The following RGS12 variants were observed in gnomAD, a reference collection of about 807,000 sequenced individuals.
RGS12 encodes the protein regulator of G-protein signaling 12.
In RGS12, 66 loss-of-function variants were observed where a neutral mutation model predicts 120.1. The observed-to-expected ratio is 0.55, with a 90% CI of 0.45 to 0.67. The LOEUF (loss-of-function observed/expected upper bound fraction) is 0.67. Ranked by LOEUF, RGS12 falls within the 30% of genes least tolerant of loss-of-function variation. The pLI, the probability that RGS12 is intolerant of heterozygous loss-of-function variation, is 0.00. For missense variants in RGS12, 1,859 were observed against 1,957.7 expected (o/e 0.95, Z 0.95); for synonymous variants, 827 against 804.7 (o/e 1.03, Z -0.47).
In RGS12 at chr4:3,390,659, G is replaced by A. The variant is rs1577034841; in HGVS notation, c.2020+4222G>A. Among the ~76,000 whole-genome samples the A allele has an allele frequency of 6.6e-6, 1 of 152,210 alleles. No individual in the cohort carries two copies. The highest frequency in any genetic ancestry group is 1.5e-5 in the Non-Finnish European group (1 of 68,044). ...TTTGGAGCTCAGACCTGGCCATGGC[G>A]GAAGATTCGGGCTCCACCTGCAGCT... On this transcript the variant is annotated intron_variant, in intron 4 of 17. Transcript: ENST00000336727. This position sits in a 1 kb window ranked among gnomAD's most constrained non-coding sequence, Gnocchi z 4.6.
At chr4:3,403,340 G>A (rs192555757) in intron 4 of RGS12, among the ~76,000 whole-genome samples, 157 of 152,290 alleles carry the variant, frequency 1.0e-3, no homozygotes, top group African/African-American at 3.2e-3. Flanking sequence ...CGAGGGGTCC[G>A]TGAGACCTGC....
At chr4:3,422,702 C>T (rs1016358150) in intron 11 of RGS12, 132 bp downstream of exon 11, 27 of 1,138,486 alleles carry the variant, frequency 2.4e-5, no homozygotes, top group South Asian at 9.0e-5. Context: ...GGGCGGAGGC[C>T]GGATTATCTG....
intron 3 of RGS12, among the ~76,000 whole-genome samples, chr4:3,354,563 A>G (rs1400205057): frequency 6.6e-6 from 1 of 152,232 alleles, no homozygotes; most frequent in Non-Finnish European, 1.5e-5. Context: ...TCCTGCAGAA[A>G]CTGTTTCCTG....
At chr4:3,318,428 G>C (rs908601947) in intron 2 of RGS12, among the ~76,000 whole-genome samples, 3 of 152,182 alleles carry the variant, frequency 2.0e-5, no homozygotes, top group African/African-American at 7.2e-5. Context: ...TTTTAGGTCT[G>C]ACCCCAGAAT....
chr4:3,417,598 C>G (rs762712107), intron 9 of RGS12, 57 bp downstream of exon 9: 4 of 1,578,782 alleles, frequency 2.5e-6, no homozygotes, highest in Non-Finnish European at 2.6e-6. Context: ...CGTCCCCGTC[C>G]TGGCGTCGCT....
chr4:3,307,312 TGCG>T (rs1724030487), intron 1 of RGS12, among the ~76,000 whole-genome samples: 3 of 152,202 alleles, frequency 2.0e-5, no homozygotes, highest in Non-Finnish European at 2.9e-5. Flanking sequence ...CAGGCCACGC[TGCG>T]GCAGCGTGTG....
At chr4:3,287,241 C>T in the RGS12 span, among the ~76,000 whole-genome samples, 53 of 152,242 alleles carry the variant, frequency 3.5e-4, no homozygotes, top group African/African-American at 1.2e-3. Context: ...AAAACATTTC[C>T]GATGTCATTT....
chr4:3,381,691 C>T (rs925249593), intron 3 of RGS12, among the ~76,000 whole-genome samples: 2 of 152,184 alleles, frequency 1.3e-5, no homozygotes, highest in African/African-American at 4.8e-5. Flanking sequence ...TCAGTTACCT[C>T]CCAACTGGGT....
At chr4:3,334,694 A>C (rs564748820) in intron 2 of RGS12, among the ~76,000 whole-genome samples, 1 of 152,308 alleles carries the variant, frequency 6.6e-6, no homozygotes, top group Non-Finnish European at 1.5e-5. Context: ...ATTAGGGATA[A>C]AGCCTGTTTT....
At chr4:3,386,518 C>T in intron 4 of RGS12, 81 bp downstream of exon 4, 1 of 1,245,464 alleles carries the variant, frequency 8.0e-7, no homozygotes, top group Non-Finnish European at 1.2e-6. Flanking sequence ...CCATTTGATG[C>T]CCTCAGGAAG....
intron 2 of RGS12, among the ~76,000 whole-genome samples, chr4:3,331,592 A>G (rs928548341): frequency 3.9e-5 from 6 of 151,960 alleles, no homozygotes; most frequent in Admixed American, 3.9e-4. Flanking sequence ...GTACAATGAG[A>G]GGAAGTTTCA....
chr4:3,294,573 C>T (rs1723257843), intron 1 of RGS12, among the ~76,000 whole-genome samples: 1 of 152,212 alleles, frequency 6.6e-6, no homozygotes, highest in Non-Finnish European at 1.5e-5. Context: ...TGCGTGGTGC[C>T]TCAGCTGGAT....
chr4:3,418,987 C>G (rs1267141797), intron 9 of RGS12: 3 of 147,568 alleles, frequency 2.0e-5, no homozygotes, highest in Admixed American at 6.8e-5. Context: ...TGGTGACCAG[C>G]CTGGGCAACA....
the RGS12 span, among the ~76,000 whole-genome samples, chr4:3,286,596 G>C: frequency 6.6e-6 from 1 of 152,192 alleles, no homozygotes; most frequent in Non-Finnish European, 1.5e-5. Context: ...TGGGGGCTGC[G>C]GTGTGGGGTT....
At chr4:3,352,739 G>A (rs1402523694) in intron 3 of RGS12, among the ~76,000 whole-genome samples, 2 of 152,170 alleles carry the variant, frequency 1.3e-5, no homozygotes, top group Non-Finnish European at 2.9e-5. Context: ...TGTGTGTAAG[G>A]TTGTTTGGCC....
upstream of RGS12, among the ~76,000 whole-genome samples, chr4:3,292,187 C>T (rs1047516523): frequency 1.3e-5 from 2 of 152,196 alleles, no homozygotes; most frequent in Admixed American, 6.5e-5. Context: ...GACCCAGCGC[C>T]GGGGAAGGAA....
rs548244392 is a variant in RGS12 at position 3,322,380 on chromosome 4, TC to T, written c.1881+4330del. 1.8e-3 allele frequency among the ~76,000 whole-genome samples: 279 copies of T among 152,348 alleles called. 1 individual carries two copies. The highest frequency in any genetic ancestry group is 3.0e-3 in the Non-Finnish European group (205 of 68,044). ...CTGCTTTCCCTTTTGTGTAGTTTGC[TC>T]TTTGTCTCTGCCTAATGTCTGTAGC... On this transcript the variant is annotated intron_variant, in intron 2 of 17. Coordinates refer to ENST00000336727, the MANE Select transcript of RGS12 (RefSeq NM_001394154.1).
Position 3,425,601 on chromosome 4 carries a change from G to T in RGS12, c.3331+41G>T, listed in dbSNP as rs766803881. ...GCAGCGGATGGGGAGAGGGTGAGTG[G>T]GTCCAGTGCAGGGGAGGGGGCTATG... is the stretch of plus-strand genomic sequence containing the variant. On this transcript the variant is annotated intron_variant, in intron 14 of 17. Coordinates refer to ENST00000336727, the MANE Select transcript of RGS12 (RefSeq NM_001394154.1). The T allele has an allele frequency of 6.5e-6, 10 of 1,533,286 alleles. No homozygotes were observed. In the African/African-American group the frequency reaches 1.5e-4, roughly 22 times the overall value. The allele number at this position is 1,533,286 out of a possible 1,614,324, so 95.0% of individuals were successfully genotyped here.
chr4:3,363,292 A>C (rs997031293), intron 3 of RGS12, among the ~76,000 whole-genome samples: 3 of 152,136 alleles, frequency 2.0e-5, no homozygotes, highest in Admixed American at 6.5e-5. Flanking sequence ...AAAATGGAAA[A>C]AGTGATCGGC....
Sources: gnomAD v4.1 joint callset for allele counts (sites outside exome capture counted in the v4.1 genomes callset) on GRCh38, gnomAD v4.1.1 for gene constraint, Gnocchi (gnomAD v3.1) non-coding constraint, MANE v1.5 for transcripts, NCBI Gene and HGNC (gene_info 2026-07-23, HGNC 2026-07-21) for gene names.